Variants in ASTN1 observed in about 807,000 individuals in gnomAD.
The protein encoded by ASTN1 is astrotactin 1, also known as astrotactin-1.
A neutral mutation model predicts 140.7 loss-of-function variants in ASTN1; 41 were observed. The observed-to-expected ratio is 0.29, with a 90% CI of 0.23 to 0.38. The LOEUF (loss-of-function observed/expected upper bound fraction) is 0.38, where lower values mean the gene tolerates loss of function less well. Among genes scored for constraint, ASTN1 ranks in the 10% least tolerant of loss-of-function variants. The pLI is 1.00. For missense variants in ASTN1, 1,479 were observed against 1,678.8 expected (o/e 0.88, Z 2.08); for synonymous variants, 640 against 652.2 (o/e 0.98, Z 0.29).
chr1:176,980,371 T>G (rs1571599591), intron 8 of ASTN1, among the ~76,000 whole-genome samples: 1 of 151,792 alleles, frequency 6.6e-6, no homozygotes, highest in Admixed American at 6.6e-5. Context: ...AGTGGACAGG[T>G]TTTTGGCACA....
intron 1 of ASTN1, among the ~76,000 whole-genome samples, chr1:177,068,824 T>C (rs542513957): frequency 8.1e-5 from 12 of 148,868 alleles, no homozygotes; most frequent in Admixed American, 7.3e-4. Context: ...TTCTTTTCTT[T>C]TTTTTTTTTT....
chr1:176,909,983 G>C (rs889755279), intron 16 of ASTN1, among the ~76,000 whole-genome samples: 2 of 152,042 alleles, frequency 1.3e-5, no homozygotes, highest in Non-Finnish European at 2.9e-5. Context: ...GCCTAGTCTA[G>C]AGTCAAACAA....
intron 6 of ASTN1, 65 bp downstream of exon 6, chr1:177,024,518 T>C: frequency 3.8e-6 from 6 of 1,578,446 alleles, no homozygotes; most frequent in Non-Finnish European, 5.2e-6. Context: ...TTCTCTAGCC[T>C]TTGCCCAACC....
intron 11 of ASTN1, among the ~76,000 whole-genome samples, chr1:176,955,569 G>A (rs1401134761): frequency 6.6e-6 from 1 of 152,244 alleles, no homozygotes. Flanking sequence ...ATAACTGGGT[G>A]ACTTTCTGCA....
At chr1:177,132,288 G>A (rs1681977603) in intron 1 of ASTN1, among the ~76,000 whole-genome samples, 1 of 152,172 alleles carries the variant, frequency 6.6e-6, no homozygotes, top group Admixed American at 6.5e-5. Context: ...TCTTGGCTAA[G>A]AAGATTCACG....
intron 1 of ASTN1, among the ~76,000 whole-genome samples, chr1:177,106,195 T>C (rs1680536362): frequency 6.6e-6 from 1 of 152,194 alleles, no homozygotes. Context: ...AATGGCCACA[T>C]TGCAAGCACT....
rs267598195 is a variant in ASTN1 at position 176,934,185 on chromosome 1, G to A, written c.2638C>T (p.Arg880Ter). 5 of 1,612,804 alleles carry A rather than the reference G, an allele frequency of 3.1e-6. No individual in the cohort carries two copies. Among genetic ancestry groups the A allele is most frequent in the Non-Finnish European group, 4.2e-6 (5 of 1,179,008 alleles). Residue 880 changes from arginine (R) to a stop codon, truncating the protein, a stop_gained, in exon 16 of 23, where the codon CGA (arginine) becomes TGA (stop). Coordinates refer to ENST00000361833, the MANE Select transcript of ASTN1 (RefSeq NM_004319.3). LOFTEE classifies it high-confidence loss of function. ...ATGTCTTCATACTCCAGCCAGAGTC[G>A]CCGCTGGACCTGCTTGTTTGGGTAC... is the stretch of plus-strand genomic sequence containing the variant. ...IWYPNKQVQR[R>*]LWLEYEDISK...
intron 1 of ASTN1, among the ~76,000 whole-genome samples, chr1:177,161,495 TAG>T (rs1457523235): frequency 6.6e-6 from 1 of 152,228 alleles, no homozygotes; most frequent in Non-Finnish European, 1.5e-5. Flanking sequence ...AGAGGCTTCA[TAG>T]AGAGATGACT....
chr1:177,077,144 G>A (rs1480344235), intron 1 of ASTN1, among the ~76,000 whole-genome samples: 4 of 152,036 alleles, frequency 2.6e-5, no homozygotes, highest in South Asian at 4.2e-4. Flanking sequence ...TGCATGCCGC[G>A]TTCACTTCTG....
intron 21 of ASTN1, among the ~76,000 whole-genome samples, chr1:176,874,526 T>C (rs1404841583): frequency 6.6e-6 from 1 of 152,202 alleles, no homozygotes; most frequent in Non-Finnish European, 1.5e-5. Flanking sequence ...GAGTGCTGGT[T>C]CTGCCAGATG....
In ASTN1 at chr1:177,120,791, G is replaced by T. The variant is rs144255136; in HGVS notation, c.283+43603C>A. 1.8e-3 allele frequency among the ~76,000 whole-genome samples: 271 copies of T among 152,272 alleles called. 1 individual carries two copies. The highest frequency in any genetic ancestry group is 6.4e-3 in the African/African-American group (266 of 41,564). On this transcript the variant is annotated intron_variant, in intron 1 of 22. Transcript: ENST00000361833. Reference sequence around the variant, plus strand: ...GGAAGATATCTAGGCACTGAGTCCAGGCACCAGAAAGGGGGCATTCACCTA... The same window carrying T: ...GGAAGATATCTAGGCACTGAGTCCATGCACCAGAAAGGGGGCATTCACCTA...
At chr1:176,921,937 AT>A (rs1365774633) in intron 16 of ASTN1, among the ~76,000 whole-genome samples, 1 of 152,196 alleles carries the variant, frequency 6.6e-6, no homozygotes, top group African/African-American at 2.4e-5. Flanking sequence ...AAGAGAAAAA[AT>A]ATGACATTCA....
chr1:176,963,134 TAGA>T (rs1005822414), intron 9 of ASTN1, among the ~76,000 whole-genome samples: 10 of 152,222 alleles, frequency 6.6e-5, no homozygotes, highest in Non-Finnish European at 1.3e-4. Context: ...AAAGGTTCTC[TAGA>T]AGAAGAGTGG....
At chr1:177,136,217 A>T (rs971357283) in intron 1 of ASTN1, among the ~76,000 whole-genome samples, 2 of 152,246 alleles carry the variant, frequency 1.3e-5, no homozygotes, top group Admixed American at 1.3e-4. Flanking sequence ...CCTCTTGTGA[A>T]CATATCCCAG....
chr1:176,931,760 G>A (rs934323704), intron 16 of ASTN1, among the ~76,000 whole-genome samples: 1 of 152,152 alleles, frequency 6.6e-6, no homozygotes, highest in South Asian at 2.1e-4. Context: ...ACCACTGTCC[G>A]TGACAACAAA....
rs1289380360 is a variant in ASTN1 at position 177,052,126 on chromosome 1, T to C, written c.471+8952A>G. Among the ~76,000 whole-genome samples the C allele has an allele frequency of 2.6e-5, 4 of 152,164 alleles. No individual in the cohort carries two copies. The East Asian group carries it at 7.7e-4, about 29-fold the overall frequency. ...TGAATGGACATGACTGCATCCCAGC[T>C]TTGTAATGGCCCTATTCTATTGTCC... On this transcript the variant is annotated intron_variant, in intron 2 of 22. Coordinates refer to ENST00000361833, the MANE Select transcript of ASTN1 (RefSeq NM_004319.3).
At chr1:176,973,378 C>T (rs115589019) in intron 8 of ASTN1, among the ~76,000 whole-genome samples, 15 of 152,224 alleles carry the variant, frequency 9.9e-5, no homozygotes, top group African/African-American at 3.6e-4. Flanking sequence ...TTTCATGTAA[C>T]CTCAACTCCC....
intron 21 of ASTN1, 61 bp from the exon 22 acceptor site, chr1:176,869,088 C>T (rs1432029472): frequency 7.9e-6 from 9 of 1,132,808 alleles, no homozygotes; most frequent in Non-Finnish European, 1.1e-5. Context: ...TATATATATA[C>T]ACACATTATA....
rs754713366 is a variant in ASTN1, at chr1:176,965,237, C to T, written c.1524G>A (p.Gly508=). The T allele has an allele frequency of 1.3e-5, 21 of 1,613,582 alleles. No homozygotes were observed. Among genetic ancestry groups the T allele is most frequent in the Non-Finnish European group, 1.8e-5 (21 of 1,179,634 alleles). Residue 508 remains glycine, a splice_region_variant and synonymous_variant, in exon 9 of 23, where the codon GGG becomes GGA. Transcript: ENST00000361833. ...CIRNEWGTNQ[G]PWPYTIFQRG... ...GCTGAAATATTGTGTAAGGCCATGG[C>T]CTAAAAGAAGAAACATCATTCAATT...
Sources: allele counts gnomAD v4.1 joint callset (sites outside exome capture counted in the v4.1 genomes callset), GRCh38; gene constraint gnomAD v4.1.1; transcripts MANE v1.5; gene names NCBI Gene and HGNC (gene_info 2026-07-23, HGNC 2026-07-21).